Variants in LHFPL6 observed in about 807,000 individuals in gnomAD.
LHFPL6 encodes the protein LHFPL tetraspan subfamily member 6.
A neutral mutation model predicts 20.6 loss-of-function variants in LHFPL6; 9 were observed. The observed-to-expected ratio is 0.44, with a 90% CI of 0.26 to 0.76. LHFPL6 has a LOEUF of 0.76. Among genes scored for constraint, LHFPL6 ranks in the 30% least tolerant of loss-of-function variants. The pLI, the probability that LHFPL6 is intolerant of heterozygous loss-of-function variation, is 0.20. For missense variants in LHFPL6, 218 were observed against 253.5 expected (o/e 0.86, Z 0.95); for synonymous variants, 105 against 98.7 (o/e 1.06, Z -0.38).
intron 3 of LHFPL6, among the ~76,000 whole-genome samples, chr13:39,369,107 G>GT (rs1555258766): frequency 0.022 from 2,534 of 117,684 alleles, 31 homozygotes; most frequent in South Asian, 0.082. Context: ...GGACAACACT[G>GT]AAAAAAAAAA....
intron 2 of LHFPL6, among the ~76,000 whole-genome samples, chr13:39,514,361 A>G (rs1019619248): frequency 6.6e-6 from 1 of 152,188 alleles, no homozygotes; most frequent in Non-Finnish European, 1.5e-5. Flanking sequence ...AGAGCTCAGC[A>G]GTGCAATGAC....
At chr13:39,602,830 C>G (rs912045) in intron 1 of LHFPL6, 53 bp downstream of exon 1, 151,606 of 152,396 alleles carry the variant, frequency 0.99, 75,409 homozygotes, top group Middle Eastern at 1. Flanking sequence ...AGAGGGAGCC[C>G]GGGAGAAAGC....
intron 2 of LHFPL6, among the ~76,000 whole-genome samples, chr13:39,451,558 G>A (rs1872444046): frequency 1.3e-5 from 2 of 152,278 alleles, no homozygotes; most frequent in Non-Finnish European, 2.9e-5. Context: ...TATTAAATGA[G>A]CTTGTTTTGA....
At chr13:39,599,133 A>G (rs987374541) in intron 2 of LHFPL6, among the ~76,000 whole-genome samples, 1 of 152,206 alleles carries the variant, frequency 6.6e-6, no homozygotes, top group African/African-American at 2.4e-5. Flanking sequence ...AAGATAATCA[A>G]TAAAAACTGA....
intron 2 of LHFPL6, among the ~76,000 whole-genome samples, chr13:39,529,873 G>A (rs528341250): frequency 2.0e-5 from 3 of 152,172 alleles, no homozygotes; most frequent in South Asian, 4.1e-4. Flanking sequence ...AACACAATGC[G>A]AAAGAAAAAA....
chr13:39,456,561 T>C (rs1275118159), intron 2 of LHFPL6, among the ~76,000 whole-genome samples: 3 of 152,186 alleles, frequency 2.0e-5, no homozygotes, highest in Non-Finnish European at 4.4e-5. Flanking sequence ...GCAATTAATG[T>C]AATCCACCAT....
chr13:39,542,581 G>T (rs536385437), intron 2 of LHFPL6, among the ~76,000 whole-genome samples: 1 of 152,268 alleles, frequency 6.6e-6, no homozygotes, highest in East Asian at 1.9e-4. Flanking sequence ...GACTTTGTAA[G>T]ACTGTTTAAC....
At chr13:39,499,786 G>A (rs947861970) in intron 2 of LHFPL6, among the ~76,000 whole-genome samples, 2 of 152,236 alleles carry the variant, frequency 1.3e-5, no homozygotes, top group African/African-American at 4.8e-5. Flanking sequence ...GATCCAGCAG[G>A]CTGAAAGCCA....
intron 2 of LHFPL6, among the ~76,000 whole-genome samples, chr13:39,430,719 C>T (rs1231146662): frequency 5.9e-5 from 9 of 152,184 alleles, no homozygotes; most frequent in Admixed American, 5.9e-4. Context: ...CATCAATCGG[C>T]ACTCTGTAAA....
At chr13:39,556,902 C>T (rs921706332) in intron 2 of LHFPL6, among the ~76,000 whole-genome samples, 3 of 150,420 alleles carry the variant, frequency 2.0e-5, no homozygotes, top group Non-Finnish European at 4.4e-5. Context: ...ATTGAAGCTG[C>T]AGTGAGCCAT....
At chr13:39,566,466 C>A (rs1456245932) in intron 2 of LHFPL6, among the ~76,000 whole-genome samples, 1 of 152,046 alleles carries the variant, frequency 6.6e-6, no homozygotes, top group Admixed American at 6.5e-5. Flanking sequence ...TTCAGCTGGG[C>A]GCTGTGGCTC....
intron 2 of LHFPL6, among the ~76,000 whole-genome samples, chr13:39,460,001 TA>T (rs34367638): frequency 2.6e-5 from 4 of 151,460 alleles, no homozygotes; most frequent in African/African-American, 9.7e-5. Context: ...ATCTTTTCTT[TA>T]AAAAAAAAGA....
chr13:39,527,665 A>G (rs1870336540), intron 2 of LHFPL6, among the ~76,000 whole-genome samples: 1 of 152,156 alleles, frequency 6.6e-6, no homozygotes, highest in Non-Finnish European at 1.5e-5. Flanking sequence ...TAGCTTTTAT[A>G]GTACCTGGGC....
intron 2 of LHFPL6, among the ~76,000 whole-genome samples, chr13:39,566,531 A>C (rs564662539): frequency 1.3e-5 from 2 of 152,028 alleles, no homozygotes; most frequent in Admixed American, 1.3e-4. Flanking sequence ...ACTAGAGCCT[A>C]GGAGTTTGAG....
chr13:39,412,198 T>G (rs1871253324), intron 2 of LHFPL6, among the ~76,000 whole-genome samples: 1 of 152,218 alleles, frequency 6.6e-6, no homozygotes, highest in South Asian at 2.1e-4. Flanking sequence ...TATCGATACT[T>G]ACAAGAAATA....
intron 2 of LHFPL6, among the ~76,000 whole-genome samples, chr13:39,536,734 C>A (rs1264941621): frequency 2.0e-5 from 3 of 152,312 alleles, no homozygotes; most frequent in East Asian, 1.9e-4. Flanking sequence ...CACATCTAAC[C>A]AGCAGAATGC....
At chr13:39,401,052 T>G (rs1474370588) in intron 2 of LHFPL6, among the ~76,000 whole-genome samples, 1 of 152,182 alleles carries the variant, frequency 6.6e-6, no homozygotes, top group African/African-American at 2.4e-5. Context: ...ACTATTCCTT[T>G]ATAGAGCTTA....
chr13:39,472,191 C>A (rs1405571002), intron 2 of LHFPL6, among the ~76,000 whole-genome samples: 2 of 152,152 alleles, frequency 1.3e-5, no homozygotes, highest in East Asian at 1.9e-4. Context: ...GTGTGCATAT[C>A]ATTTCCCAAA....
intron 2 of LHFPL6, among the ~76,000 whole-genome samples, chr13:39,396,740 A>C (rs958190505): frequency 3.9e-5 from 6 of 152,166 alleles, no homozygotes; most frequent in Admixed American, 1.3e-4. Flanking sequence ...AGGCTGCAGT[A>C]AACTGTGATC....
Sources: gnomAD v4.1 joint callset for allele counts (sites outside exome capture counted in the v4.1 genomes callset) on GRCh38, gnomAD v4.1.1 for gene constraint, MANE v1.5 for transcripts, NCBI Gene and HGNC (gene_info 2026-07-23, HGNC 2026-07-21) for gene names.